NFE2L3: variants seen among roughly 807,000 people sequenced by gnomAD.
NFE2L3 encodes the protein nuclear factor erythroid 2-related factor 3.
In NFE2L3, 18 loss-of-function variants were observed where a neutral mutation model predicts 23.5. That is an observed-to-expected ratio of 0.77 (90% CI 0.53 to 1.13). NFE2L3 has a LOEUF of 1.13. NFE2L3 is among the 50% of genes most tolerant of loss of function. The pLI is 0.00. For missense variants in NFE2L3, 1,152 were observed against 877.2 expected (o/e 1.31, Z -3.96); for synonymous variants, 424 against 354.5 (o/e 1.20, Z -2.20).
At chr7:26,153,113 C>T in intron 1 of NFE2L3, 45 bp downstream of exon 1, 1 of 1,482,810 alleles carries the variant, frequency 6.7e-7, no homozygotes, top group Non-Finnish European at 8.9e-7. Flanking sequence ...GTCTACGCCG[C>T]CGGGAGCCCC....
rs1782474398 is a variant in NFE2L3 at position 26,185,981 on chromosome 7, A to ATT, written c.*198_*199insTT. ...ATCACACTTGTGGGCAATCTGGGGG[A>ATT]GCCACAACTTTTCATGAAGTGCATT... On this transcript the variant is annotated 3_prime_UTR_variant, in exon 4 of 4. Transcript: ENST00000056233. 2 of 486,952 alleles carry ATT rather than the reference A, an allele frequency of 4.1e-6. No homozygotes were observed. The highest frequency in any genetic ancestry group is 8.0e-5 in the South Asian group (2 of 25,030). The allele number at this position is 486,952 out of a possible 1,614,324, so 30.2% of individuals were successfully genotyped here.
At chr7:26,165,975 C>T (rs899320207) in intron 1 of NFE2L3, among the ~76,000 whole-genome samples, 3 of 152,056 alleles carry the variant, frequency 2.0e-5, no homozygotes, top group African/African-American at 7.2e-5. Flanking sequence ...TTGTTTGAAT[C>T]ACAATCCGAC....
chr7:26,160,735 A>G (rs78427131), intron 1 of NFE2L3, among the ~76,000 whole-genome samples: 260 of 152,360 alleles, frequency 1.7e-3, no homozygotes, highest in African/African-American at 5.5e-3. Flanking sequence ...TTGATTGTAG[A>G]TGCTAACCAC....
Position 26,185,038 on chromosome 7 carries a change from T to C in NFE2L3, c.1340T>C (p.Ile447Thr), listed in dbSNP as rs1457500040. Residue 447 changes from isoleucine to threonine, a missense_variant, in exon 4 of 4, where the codon ATA becomes ACA. Transcript: ENST00000056233. ...SSHSVCDEGA[I>T]GYCTDHESSS... ...CACTCTGTGTGTGATGAAGGTGCTA[T>C]AGGTTATTGCACTGACCATGAATCT... 6.8e-6 allele frequency: 11 copies of C among 1,613,796 alleles called. No individual in the cohort carries two copies. The highest frequency in any genetic ancestry group is 8.5e-6 in the Non-Finnish European group (10 of 1,179,826).
intron 1 of NFE2L3, among the ~76,000 whole-genome samples, chr7:26,172,324 A>G (rs1260961388): frequency 6.6e-6 from 1 of 152,236 alleles, no homozygotes; most frequent in Admixed American, 6.5e-5. Context: ...CCCTTTACCC[A>G]GATTTACCTA....
At position 26,186,636 on chromosome 7, in the gene NFE2L3, G is replaced by A. The variant is rs1479232911; in HGVS notation, c.*853G>A. 1 of 152,102 alleles carries A rather than the reference G, an allele frequency of 6.6e-6. No individual in the cohort carries two copies. The highest frequency in any genetic ancestry group is 6.6e-5 in the Admixed American group (1 of 15,264). The allele number at this position is 152,102 out of a possible 1,614,324, so 9.4% of individuals were successfully genotyped here. A position where few individuals can be genotyped will look rare whatever the true frequency, so the allele number is the denominator to read the frequency against. On this transcript the variant is annotated 3_prime_UTR_variant, in exon 4 of 4. Transcript: ENST00000056233. The stretch of plus-strand genomic sequence containing the variant: ...TGTATATTAAATCCATAAAATCTCT[G>A]GCAGTAAAGCCAGCCTGAAGGGATG...
At chr7:26,160,253 G>A (rs957150276) in intron 1 of NFE2L3, among the ~76,000 whole-genome samples, 14 of 152,230 alleles carry the variant, frequency 9.2e-5, no homozygotes, top group African/African-American at 2.9e-4. Flanking sequence ...CACCGCACCC[G>A]GCTGGATCTA....
At chr7:26,183,938 AGCATTCCTCTTTCCAAATAATCCCAAAG>A in intron 3 of NFE2L3, 154 bp downstream of exon 3, 1 of 573,638 alleles carries the variant, frequency 1.7e-6, no homozygotes, top group East Asian at 2.9e-5. Flanking sequence ...AAATATGTAT[AGCATTCCTCTTTCCAAATAATCCCAAAG>A]GTATAATCAA....
intron 1 of NFE2L3, among the ~76,000 whole-genome samples, chr7:26,157,385 C>T (rs2128097277): frequency 6.6e-6 from 1 of 151,980 alleles, no homozygotes; most frequent in African/African-American, 2.4e-5. Flanking sequence ...CTCTGTGTTG[C>T]CCAGGCTGGT....
intron 1 of NFE2L3, among the ~76,000 whole-genome samples, chr7:26,166,831 T>C (rs1212713555): frequency 1.3e-5 from 2 of 152,226 alleles, no homozygotes; most frequent in Non-Finnish European, 1.5e-5. Flanking sequence ...ATTCTCCCTC[T>C]GACGTCATCC....
At chr7:26,175,625 A>G (rs1284420721) in intron 1 of NFE2L3, among the ~76,000 whole-genome samples, 1 of 151,610 alleles carries the variant, frequency 6.6e-6, no homozygotes, top group Non-Finnish European at 1.5e-5. Flanking sequence ...AAAATACAAC[A>G]AAAATTAGCC....
chr7:26,157,059 C>G (rs1380215576), intron 1 of NFE2L3, among the ~76,000 whole-genome samples: 1 of 151,932 alleles, frequency 6.6e-6, no homozygotes, highest in Non-Finnish European at 1.5e-5. Context: ...GTGCAGTGAG[C>G]CGAGATCGCT....
intron 1 of NFE2L3, among the ~76,000 whole-genome samples, chr7:26,156,242 A>T (rs543910881): frequency 6.6e-6 from 1 of 152,350 alleles, no homozygotes; most frequent in African/African-American, 2.4e-5. Flanking sequence ...TAAAGGGCTT[A>T]GAACTTGCCT....
At chr7:26,174,817 A>G (rs903427835) in intron 1 of NFE2L3, 2 of 152,210 alleles carry the variant, frequency 1.3e-5, no homozygotes, top group African/African-American at 4.8e-5. Context: ...AAGTTTGACA[A>G]GCTTTAATGT....
At chr7:26,183,653 C>T in intron 2 of NFE2L3, 48 bp from the exon 3 acceptor site, 3 of 1,162,926 alleles carry the variant, frequency 2.6e-6, no homozygotes, top group Non-Finnish European at 3.9e-6. Context: ...AAGCCCCAAC[C>T]AGTTCAGTCT....
At chr7:26,184,413 C>T (rs921162543) in intron 3 of NFE2L3, 120 bp from the exon 4 acceptor site, 12 of 864,582 alleles carry the variant, frequency 1.4e-5, no homozygotes, top group Admixed American at 2.4e-5. Context: ...CTGCCAACAG[C>T]ATCTATCTCT....
At chr7:26,156,461 A>G (rs1784083269) in intron 1 of NFE2L3, among the ~76,000 whole-genome samples, 1 of 152,214 alleles carries the variant, frequency 6.6e-6, no homozygotes, top group Non-Finnish European at 1.5e-5. Flanking sequence ...CCAAGTATCA[A>G]AAGGAGTACT....
chr7:26,182,885 C>G (rs956159789), intron 2 of NFE2L3, among the ~76,000 whole-genome samples: 10 of 152,188 alleles, frequency 6.6e-5, no homozygotes, highest in Non-Finnish European at 1.2e-4. Context: ...CCTCAACCTC[C>G]TGGACTCAGG....
intron 2 of NFE2L3, among the ~76,000 whole-genome samples, chr7:26,182,604 G>A (rs1782334567): frequency 6.9e-6 from 1 of 145,808 alleles, no homozygotes; most frequent in Non-Finnish European, 1.5e-5. Flanking sequence ...CTCCAGCCTG[G>A]GCGACAGGAC....
Sources: allele counts gnomAD v4.1 joint callset (sites outside exome capture counted in the v4.1 genomes callset), GRCh38; gene constraint gnomAD v4.1.1; transcripts MANE v1.5; gene names NCBI Gene and HGNC (gene_info 2026-07-23, HGNC 2026-07-21).